Variants in TNR observed in about 807,000 individuals in gnomAD.
The protein encoded by TNR is tenascin R, also known as tenascin-R.
Under a neutral mutation model 150.4 loss-of-function variants are expected in TNR, and 45 were observed. The observed-to-expected ratio is 0.30, with a 90% confidence interval of 0.24 to 0.38. TNR has a LOEUF of 0.38. Ranked by LOEUF, TNR falls within the 10% of genes least tolerant of loss-of-function variation. The pLI is 1.00. For missense variants in TNR, 1,544 were observed against 1,759.1 expected (o/e 0.88, Z 2.19); for synonymous variants, 687 against 678.4 (o/e 1.01, Z -0.20).
intron 1 of TNR, among the ~76,000 whole-genome samples, chr1:175,642,151 T>C (rs1664683699): frequency 6.6e-6 from 1 of 151,988 alleles, no homozygotes; most frequent in Admixed American, 6.6e-5. Context: ...GAAGGGAAGA[T>C]TTGTGAACTG....
At chr1:175,383,903 G>T (rs1315642110) in intron 8 of TNR, among the ~76,000 whole-genome samples, 2 of 152,152 alleles carry the variant, frequency 1.3e-5, no homozygotes, top group Non-Finnish European at 2.9e-5. Context: ...AGGCTGTATT[G>T]AGAAGTCAGC....
intron 9 of TNR, 93 bp from the exon 10 acceptor site, chr1:175,367,390 C>A: frequency 9.7e-7 from 1 of 1,027,256 alleles, no homozygotes; most frequent in South Asian, 1.3e-5. Context: ...GACTCCTATT[C>A]ATATCTTGTG....
chr1:175,484,443 T>TTCCACTCTTTCCTTTTGCAG (rs1175716686), intron 2 of TNR, among the ~76,000 whole-genome samples: 2 of 152,140 alleles, frequency 1.3e-5, no homozygotes, highest in South Asian at 2.1e-4. Flanking sequence ...TCCCTTACCT[T>TTCCACTCTTTCCTTTTGCAG]TCCACTCTTT....
intron 8 of TNR, among the ~76,000 whole-genome samples, chr1:175,384,541 C>T (rs535675868): frequency 6.6e-6 from 1 of 152,326 alleles, no homozygotes; most frequent in South Asian, 2.1e-4. Flanking sequence ...TGTACTTGCT[C>T]CTTTTTAAGG....
At chr1:175,576,869 C>T (rs1662134075) in intron 1 of TNR, among the ~76,000 whole-genome samples, 1 of 152,166 alleles carries the variant, frequency 6.6e-6, no homozygotes, top group Admixed American at 6.5e-5. Flanking sequence ...CTAATTACAA[C>T]TTATTTTAGT....
chr1:175,553,537 A>G (rs971641707), intron 1 of TNR, among the ~76,000 whole-genome samples: 2 of 152,184 alleles, frequency 1.3e-5, no homozygotes, highest in Non-Finnish European at 2.9e-5. Flanking sequence ...ATCCATTGGA[A>G]AATAATGCTG....
chr1:175,616,950 A>G (rs1438048640), intron 1 of TNR, among the ~76,000 whole-genome samples: 2 of 152,216 alleles, frequency 1.3e-5, no homozygotes, highest in Non-Finnish European at 2.9e-5. Context: ...TCAGCCATCT[A>G]TAATTCTGGT....
At chr1:175,370,906 G>A (rs966222808) in intron 9 of TNR, among the ~76,000 whole-genome samples, 7 of 152,186 alleles carry the variant, frequency 4.6e-5, no homozygotes, top group African/African-American at 1.7e-4. Flanking sequence ...CTGCAGAGCA[G>A]AATTTAATGT....
intron 1 of TNR, among the ~76,000 whole-genome samples, chr1:175,691,370 G>A (rs1005773047): frequency 2.0e-5 from 3 of 152,218 alleles, no homozygotes; most frequent in South Asian, 2.1e-4. Flanking sequence ...AACTTATTAT[G>A]TGACAGGCAC....
At chr1:175,521,798 AC>A (rs757734094) in intron 2 of TNR, among the ~76,000 whole-genome samples, 1 of 152,010 alleles carries the variant, frequency 6.6e-6, no homozygotes, top group Non-Finnish European at 1.5e-5. Context: ...TCTCCCATGA[AC>A]CCTGTGACAC....
At chr1:175,501,413 C>A (rs78256385) in intron 2 of TNR, among the ~76,000 whole-genome samples, 1 of 152,208 alleles carries the variant, frequency 6.6e-6, no homozygotes, top group Non-Finnish European at 1.5e-5. Context: ...ACCACAGGAA[C>A]TAAATTTCCC....
At chr1:175,402,758 G>A (rs1653772983) in intron 4 of TNR, among the ~76,000 whole-genome samples, 1 of 152,126 alleles carries the variant, frequency 6.6e-6, no homozygotes, top group African/African-American at 2.4e-5. Flanking sequence ...TGAGCAGGTG[G>A]AACGCTTGGG....
chr1:175,419,591 C>A (rs941039866), intron 2 of TNR, among the ~76,000 whole-genome samples: 2 of 152,138 alleles, frequency 1.3e-5, no homozygotes, highest in South Asian at 4.1e-4. Context: ...AAGCAATTCT[C>A]GTGCCTCAGC....
intron 1 of TNR, among the ~76,000 whole-genome samples, chr1:175,602,263 C>T (rs961839027): frequency 6.9e-6 from 1 of 145,976 alleles, no homozygotes; most frequent in African/African-American, 2.5e-5. Context: ...AAAGGACATG[C>T]GATCTACTCA....
chr1:175,614,466 G>T (rs971845049), intron 1 of TNR, among the ~76,000 whole-genome samples: 2 of 152,212 alleles, frequency 1.3e-5, no homozygotes, highest in Non-Finnish European at 2.9e-5. Context: ...AGAAGTCCCT[G>T]CTCTGTCTCA....
intron 2 of TNR, among the ~76,000 whole-genome samples, chr1:175,465,399 T>G (rs969208978): frequency 6.6e-6 from 1 of 152,214 alleles, no homozygotes; most frequent in Non-Finnish European, 1.5e-5. Flanking sequence ...TGGCACAGAA[T>G]GAGACTTGAT....
At chr1:175,480,439 G>GAAAGAAAGAAAGAAAA (rs1557959746) in intron 2 of TNR, among the ~76,000 whole-genome samples, 1 of 150,316 alleles carries the variant, frequency 6.7e-6, no homozygotes, top group Non-Finnish European at 1.5e-5. Context: ...AAGAAAGAAA[G>GAAAGAAAGAAAGAAAA]AAAGAGAAAG....
chr1:175,487,181 G>T (rs973660816), intron 2 of TNR, among the ~76,000 whole-genome samples: 1 of 152,064 alleles, frequency 6.6e-6, no homozygotes, highest in African/African-American at 2.4e-5. Flanking sequence ...TGGTGTTTTA[G>T]TCAGGTACTA....
chr1:175,414,937 C>G (rs1170217222), intron 2 of TNR, among the ~76,000 whole-genome samples: 1 of 146,474 alleles, frequency 6.8e-6, no homozygotes. Context: ...AGTGGGGCCT[C>G]AGGGCAAAAA....
Sources: gnomAD v4.1 joint callset for allele counts (sites outside exome capture counted in the v4.1 genomes callset) on GRCh38, gnomAD v4.1.1 for gene constraint, MANE v1.5 for transcripts, NCBI Gene and HGNC (gene_info 2026-07-23, HGNC 2026-07-21) for gene names.